The following HID1 variants were observed in gnomAD, a reference collection of about 807,000 sequenced individuals.
The protein encoded by HID1 is protein HID1.
A neutral mutation model predicts 89.7 loss-of-function variants in HID1; 42 were observed. The ratio of observed to expected loss-of-function variants is 0.47; its 90% CI spans 0.37 to 0.61. The LOEUF is 0.61. Among genes scored for constraint, HID1 ranks in the 20% least tolerant of loss-of-function variants. HID1 has a pLI of 0.00. For missense variants in HID1, 854 were observed against 1,039.3 expected (o/e 0.82, Z 2.45); for synonymous variants, 442 against 433.8 (o/e 1.02, Z -0.24).
chr17:74,953,813 G>A (rs1342819447), intron 14 of HID1, among the ~76,000 whole-genome samples, 162 bp from the exon 15 acceptor site: 10 of 151,690 alleles, frequency 6.6e-5, no homozygotes, highest in Non-Finnish European at 1.2e-4. Context: ...CCTCTCCTGC[G>A]CCCATCCCTC....
At chr17:74,965,685 G>A (rs2039551624) in intron 1 of HID1, among the ~76,000 whole-genome samples, 1 of 152,162 alleles carries the variant, frequency 6.6e-6, no homozygotes, top group African/African-American at 2.4e-5. Context: ...TTGGGAGGCT[G>A]AGGTGGGTGG....
At position 74,959,476 on chromosome 17, in the gene HID1, G is replaced by A. The variant is rs980552936; in HGVS notation, c.1008+405C>T. On this transcript the variant is annotated intron_variant, in intron 8 of 18. Transcript: ENST00000425042. This position sits in a 1 kb window ranked among gnomAD's most constrained non-coding sequence, Gnocchi z 4.6. ...ATTCCACTGTTCTGTCATTTACTGA[G>A]GCCTGCCACTAGCTGGGGTGAGAAG... Among the ~76,000 whole-genome samples, 4 of 152,098 alleles carry A rather than the reference G, an allele frequency of 2.6e-5. No homozygotes were observed. The highest frequency in any genetic ancestry group is 4.4e-5 in the Non-Finnish European group (3 of 68,014).
intron 3 of HID1, 196 bp downstream of exon 3, chr17:74,963,544 C>T: frequency 1.6e-6 from 1 of 608,988 alleles, no homozygotes; most frequent in Non-Finnish European, 2.9e-6. Context: ...ACTGTGGGCA[C>T]AGAAACCCCC....
Position 74,961,896 on chromosome 17 carries a change from C to T in HID1, c.705G>A (p.Gln235=). ...ACCTGTTCTCCGTGGAACAAAAGAACTGAACCCATGGGTTGGTGCTGCCAC... is the reference window on the plus strand; with the variant it reads ...ACCTGTTCTCCGTGGAACAAAAGAATTGAACCCATGGGTTGGTGCTGCCAC... The part of the protein sequence containing the change: ...PESGSTNPWV[Q]FFCSTENRHA... The change falls in exon 6 of 19, where the codon CAG becomes CAA. Residue 235 remains glutamine (Q), a synonymous_variant. Coordinates refer to ENST00000425042, the MANE Select transcript of HID1 (RefSeq NM_030630.3). The T allele has an allele frequency of 6.3e-7, 1 of 1,592,366 alleles. No homozygotes were observed. Among genetic ancestry groups the T allele is most frequent in the African/African-American group, 1.4e-5 (1 of 73,928 alleles).
intron 15 of HID1, 84 bp from the exon 16 acceptor site, chr17:74,953,170 CA>C (rs1237349049): frequency 1.7e-6 from 2 of 1,168,098 alleles, no homozygotes; most frequent in East Asian, 2.6e-5. Flanking sequence ...TCTCCACTGG[CA>C]GCTGGAAATC....
At chr17:74,970,600 T>TGGGGCAGGAAGAAAACAGGATGC (rs2039631562) in intron 1 of HID1, 1 of 152,274 alleles carries the variant, frequency 6.6e-6, no homozygotes, top group African/African-American at 2.4e-5. Context: ...GACTGGACCA[T>TGGGGCAGGAAGAAAACAGGATGC]GGGGCAGGAA....
At chr17:74,968,161 C>A (rs982623588) in intron 1 of HID1, among the ~76,000 whole-genome samples, 13 of 152,068 alleles carry the variant, frequency 8.5e-5, no homozygotes, top group African/African-American at 3.1e-4. Flanking sequence ...AAGAAGCCTC[C>A]CAGAGCCCCA....
chr17:74,970,515 C>T lies in HID1; in HGVS notation c.66+2076G>A, dbSNP rs1203691556. Among the ~76,000 whole-genome samples, 2 of 152,148 alleles carry T rather than the reference C, an allele frequency of 1.3e-5. 1 individual carries two copies. The highest frequency in any genetic ancestry group is 2.9e-5 in the Non-Finnish European group (2 of 68,024). Reference sequence around the variant, plus strand: ...CTGGGACTGTCTCCCTCCAGAGCCCCACCTACTATGAGGAAGCACCAGGAA... The same window carrying T: ...CTGGGACTGTCTCCCTCCAGAGCCCTACCTACTATGAGGAAGCACCAGGAA... On this transcript the variant is annotated intron_variant, in intron 1 of 18. Coordinates refer to ENST00000425042, the MANE Select transcript of HID1 (RefSeq NM_030630.3).
chr17:74,951,986 G>T lies in HID1; in HGVS notation c.2222C>A (p.Pro741His). 3.2e-6 allele frequency: 5 copies of T among 1,563,020 alleles called. No individual in the cohort carries two copies. The highest frequency in any genetic ancestry group is 2.6e-6 in the Non-Finnish European group (3 of 1,153,630). The change falls in exon 18 of 19, where the codon CCC (proline) becomes CAC (histidine). Residue 741 changes from proline (P) to histidine (H), a missense_variant. Transcript: ENST00000425042. ...TLVGLLPVPHPILIRKYQANS... is the reference protein window; with the variant it reads ...TLVGLLPVPHHILIRKYQANS... ...GGCCTGGTACTTGCGGATGAGGATG[G>T]GGTGGGGCACGGGCAGCAGCCCCAC... is the stretch of plus-strand genomic sequence containing the variant.
intron 1 of HID1, among the ~76,000 whole-genome samples, chr17:74,966,870 A>G (rs1446697765): frequency 1.3e-5 from 2 of 152,160 alleles, no homozygotes; most frequent in Non-Finnish European, 2.9e-5. Flanking sequence ...CCATAAGCCC[A>G]GAAGGTCAAG....
Position 74,958,434 on chromosome 17 carries a change from G to C in HID1, c.1285C>G (p.Leu429Val). The C allele has an allele frequency of 6.2e-7, 1 of 1,602,388 alleles. No individual in the cohort carries two copies. Among genetic ancestry groups the C allele is most frequent in the East Asian group, 2.3e-5 (1 of 44,326 alleles). Residue 429 changes from leucine to valine, a missense_variant, in exon 11 of 19, where the codon CTG (leucine) becomes GTG (valine). Leu to Val is a conservative substitution (Grantham distance 32). Coordinates refer to ENST00000425042, the MANE Select transcript of HID1 (RefSeq NM_030630.3). This position sits in a 1 kb window ranked among gnomAD's most constrained non-coding sequence, Gnocchi z 5.2. Reference protein sequence around the residue: ...MHIGVFILLLLSGERNFGVRL... With the variant: ...MHIGVFILLLVSGERNFGVRL... The stretch of plus-strand genomic sequence containing the variant: ...ACCCCGAAGTTCCGCTCCCCGCTCA[G>C]AAGCAGCAAGATGAAGACACCAATG...
intron 1 of HID1, among the ~76,000 whole-genome samples, chr17:74,965,744 CT>C (rs1363222525): frequency 6.6e-6 from 1 of 151,592 alleles, no homozygotes; most frequent in Non-Finnish European, 1.5e-5. Flanking sequence ...TGGTGAAACT[CT>C]GTCTCTACTA....
At chr17:74,952,107 G>A (rs1455887390) in intron 17 of HID1, 44 bp from the exon 18 acceptor site, 1 of 1,546,504 alleles carries the variant, frequency 6.5e-7, no homozygotes, top group South Asian at 1.2e-5. Context: ...GTGGTCCAGG[G>A]GAGCACGGGG....
At chr17:74,964,168 T>C (rs1598630782) in intron 2 of HID1, 1 of 594,332 alleles carries the variant, frequency 1.7e-6, no homozygotes, top group Non-Finnish European at 3.0e-6. Context: ...GGCTGAGGCC[T>C]TGCTAAGTGA....
intron 2 of HID1, 64 bp from the exon 3 acceptor site, chr17:74,963,974 G>A (rs1417280193): frequency 2.0e-5 from 32 of 1,572,214 alleles, no homozygotes; most frequent in Non-Finnish European, 2.6e-5. Flanking sequence ...GGCACTTGGG[G>A]TCAGGGTGGG....
At position 74,963,090 on chromosome 17, in the gene HID1, A is replaced by C; in HGVS notation, c.388-9T>G. 1 of 1,569,188 alleles carries C rather than the reference A, an allele frequency of 6.4e-7. No homozygotes were observed. The highest frequency in any genetic ancestry group is 8.7e-7 in the Non-Finnish European group (1 of 1,148,820). ...TCATCCTCTTCTCCCTGCTGGGGAC[A>C]CAGCACCCACAGGCTGCCTCAGTGA... On this transcript the variant is annotated splice_polypyrimidine_tract_variant and intron_variant, in intron 3 of 18. Coordinates refer to ENST00000425042, the MANE Select transcript of HID1 (RefSeq NM_030630.3).
At chr17:74,952,184 C>G in intron 17 of HID1, 85 bp downstream of exon 17, 1 of 1,526,386 alleles carries the variant, frequency 6.6e-7, no homozygotes, top group East Asian at 2.3e-5. Context: ...CTGGCCCCGC[C>G]CAGAGCCCAC....
In HID1 at chr17:74,951,979, G is replaced by A. The variant is rs2039308365; in HGVS notation, c.2229C>T (p.Leu743=). The change falls in exon 18 of 19, where the codon CTC becomes CTT. Residue 743 remains leucine (L), a synonymous_variant. Coordinates refer to ENST00000425042, the MANE Select transcript of HID1 (RefSeq NM_030630.3). The part of the protein sequence containing the change: ...VGLLPVPHPI[L]IRKYQANSGT... Reference sequence around the variant, plus strand: ...CCGAGTTGGCCTGGTACTTGCGGATGAGGATGGGGTGGGGCACGGGCAGCA... The same window carrying A: ...CCGAGTTGGCCTGGTACTTGCGGATAAGGATGGGGTGGGGCACGGGCAGCA... 1.9e-6 allele frequency: 3 copies of A among 1,563,150 alleles called. No homozygotes were observed. The highest frequency in any genetic ancestry group is 1.7e-6 in the Non-Finnish European group (2 of 1,153,924).
chr17:74,964,650 G>A lies in HID1; in HGVS notation c.67-18C>T, dbSNP rs375277945. On this transcript the variant is annotated intron_variant, in intron 1 of 18. Transcript: ENST00000425042. ...TCCACGGGCTGTGGGGGGACCAAGG[G>A]TCCAGAGTTACACAACTCCTGGCCA... 1 of 1,607,116 alleles carries A rather than the reference G, an allele frequency of 6.2e-7. No individual in the cohort carries two copies. The highest frequency in any genetic ancestry group is 8.5e-7 in the Non-Finnish European group (1 of 1,177,448).
Sources: allele counts gnomAD v4.1 joint callset (sites outside exome capture counted in the v4.1 genomes callset), GRCh38; gene constraint gnomAD v4.1.1; non-coding constraint Gnocchi (gnomAD v3.1); transcripts MANE v1.5; gene names NCBI Gene and HGNC (gene_info 2026-07-23, HGNC 2026-07-21).